SPATA18: variants seen among roughly 807,000 people sequenced by gnomAD.
SPATA18 encodes mitochondria-eating protein.
Under a neutral mutation model 68.1 loss-of-function variants are expected in SPATA18, and 54 were observed. The observed-to-expected ratio is 0.79, with a 90% confidence interval of 0.64 to 0.99. The LOEUF is 0.99. Among genes scored for constraint, SPATA18 ranks in the 50% least tolerant of loss-of-function variants. SPATA18 has a pLI of 0.00. For missense variants in SPATA18, 724 were observed against 681.1 expected, an observed-to-expected ratio of 1.06 and a Z score of -0.70; for synonymous variants, 242 against 244.8, an observed-to-expected ratio of 0.99 and a Z score of 0.11.
At chr4:52,091,616 A>G (rs1741964713) in intron 11 of SPATA18, among the ~76,000 whole-genome samples, 1 of 152,152 alleles carries the variant, frequency 6.6e-6, no homozygotes, top group Non-Finnish European at 1.5e-5. Flanking sequence ...CAGAGCAGCA[A>G]AGATTGCTGC....
In SPATA18 at chr4:52,097,208, A is replaced by AT. The variant is rs1338526208; in HGVS notation, c.*2325dup. On this transcript the variant is annotated 3_prime_UTR_variant, in exon 13 of 13. Transcript: ENST00000295213. Reference sequence around the variant, plus strand: ...AACCTGGGTAAATGTTAGTTTCTAGATTTTCGGCTTAACATCTAATAATAA... The same window carrying AT: ...AACCTGGGTAAATGTTAGTTTCTAGATTTTTCGGCTTAACATCTAATAATAA... The AT allele has an allele frequency of 2.6e-5, 4 of 152,168 alleles. No individual in the cohort carries two copies. The highest frequency in any genetic ancestry group is 2.6e-4 in the Admixed American group (4 of 15,272). 9.4% of individuals were successfully genotyped at this position (152,168 alleles called of 1,614,324 possible).
intron 11 of SPATA18, 97 bp from the exon 12 acceptor site, chr4:52,094,429 CT>C: frequency 9.0e-7 from 1 of 1,108,834 alleles, no homozygotes; most frequent in Non-Finnish European, 1.4e-6. Context: ...TCAGAGAAAG[CT>C]ATTTGGTTGG....
rs766217394 is a variant in SPATA18, at chr4:52,078,729, G to A, written c.1021-6G>A. On this transcript the variant is annotated splice_region_variant and splice_polypyrimidine_tract_variant and intron_variant, in intron 7 of 12. Coordinates refer to ENST00000295213, the MANE Select transcript of SPATA18 (RefSeq NM_145263.4). ...CCAAATAAATTTGCTGCATTTTTATGTGCAGGAGGCATTCCATGTAGCAAA... is the reference window on the plus strand; with the variant it reads ...CCAAATAAATTTGCTGCATTTTTATATGCAGGAGGCATTCCATGTAGCAAA... The A allele has an allele frequency of 2.6e-6, 4 of 1,560,876 alleles. No homozygotes were observed. Among genetic ancestry groups the A allele is most frequent in the Non-Finnish European group, 3.5e-6 (4 of 1,140,288 alleles).
chr4:52,074,922 AG>A (rs1422831013), intron 6 of SPATA18, among the ~76,000 whole-genome samples: 1 of 152,202 alleles, frequency 6.6e-6, no homozygotes, highest in African/African-American at 2.4e-5. Context: ...TCCATAGAAA[AG>A]GAAAAGACAG....
At chr4:52,091,246 T>C (rs1241108767) in intron 11 of SPATA18, among the ~76,000 whole-genome samples, 4 of 152,100 alleles carry the variant, frequency 2.6e-5, no homozygotes, top group African/African-American at 9.7e-5. Context: ...CTCCTTTAGC[T>C]TGGAGTTGTT....
In SPATA18 at chr4:52,077,010, C is replaced by A. The variant is rs375992709; in HGVS notation, c.990C>A (p.Thr330=). 7.5e-6 allele frequency: 12 copies of A among 1,609,778 alleles called. No individual in the cohort carries two copies. Among genetic ancestry groups the A allele is most frequent in the African/African-American group, 1.3e-5 (1 of 74,842 alleles). Residue 330 remains threonine, a synonymous_variant, in exon 7 of 13, where the codon ACC becomes ACA. Transcript: ENST00000295213. ...GGCGCTGCATCGACAAGGCTGAGAC[C>A]GTTCAGCGGATCATCTACATCGCCA... ...LLRRCIDKAE[T]VQRIIYIATV... is the part of the protein sequence containing the mutation.
Position 52,078,806 on chromosome 4 carries a change from T to G in SPATA18, c.1092T>G (p.Ser364=), listed in dbSNP as rs1180347684. The change falls in exon 8 of 13, where the codon TCT becomes TCG. Residue 364 remains serine, a synonymous_variant. Coordinates refer to ENST00000295213, the MANE Select transcript of SPATA18 (RefSeq NM_145263.4). The part of the protein sequence containing the change: ...KIHVRKSLTP[S]YVGSNDFENA... ...ATGTGAGAAAATCGTTGACACCATC[T>G]TATGTGGGGTCGAATGACTTTGAGA... 1.2e-6 allele frequency: 2 copies of G among 1,609,650 alleles called. No individual in the cohort carries two copies. Among genetic ancestry groups the G allele is most frequent in the East Asian group, 4.5e-5 (2 of 44,784 alleles).
At chr4:52,055,688 C>T (rs1279876508) in intron 1 of SPATA18, among the ~76,000 whole-genome samples, 3 of 152,092 alleles carry the variant, frequency 2.0e-5, no homozygotes, top group Non-Finnish European at 4.4e-5. Flanking sequence ...TGACCAGGCC[C>T]CACGCGAGAG....
intron 8 of SPATA18, 104 bp downstream of exon 8, chr4:52,078,997 T>C: frequency 8.2e-7 from 1 of 1,215,630 alleles, no homozygotes; most frequent in Non-Finnish European, 1.1e-6. Flanking sequence ...ATTAATTCTA[T>C]GTAATGAAAA....
rs1742361384 is a variant in SPATA18, at chr4:52,095,680, C to T, written c.*793C>T. On this transcript the variant is annotated 3_prime_UTR_variant, in exon 13 of 13. Transcript: ENST00000295213. ...GGGAATATTTCAAACTGTTTTAATG[C>T]ATGTGTTATATATAAAAGTTTCTTG... 6.6e-6 allele frequency: 1 copy of T among 152,144 alleles called. No individual in the cohort carries two copies. Among genetic ancestry groups the T allele is most frequent in the Admixed American group, 6.5e-5 (1 of 15,272 alleles). 9.4% of individuals were successfully genotyped at this position (152,144 alleles called of 1,614,324 possible).
intron 6 of SPATA18, among the ~76,000 whole-genome samples, chr4:52,073,299 C>T (rs923895745): frequency 5.9e-5 from 9 of 152,198 alleles, no homozygotes; most frequent in Non-Finnish European, 1.3e-4. Context: ...TACCTTTTGC[C>T]AGGTAGTTTC....
chr4:52,067,991 A>G (rs1231559218), intron 4 of SPATA18, among the ~76,000 whole-genome samples: 1 of 152,214 alleles, frequency 6.6e-6, no homozygotes, highest in African/African-American at 2.4e-5. Flanking sequence ...AATTGTTAGC[A>G]TATGGATGTA....
intron 11 of SPATA18, among the ~76,000 whole-genome samples, chr4:52,087,117 T>C (rs1741504689): frequency 6.6e-6 from 1 of 152,212 alleles, no homozygotes; most frequent in Admixed American, 6.5e-5. Context: ...TGGGGTTGTT[T>C]GTTTTTTTCT....
At chr4:52,069,996 A>C in intron 5 of SPATA18, 80 bp downstream of exon 5, 1 of 774,154 alleles carries the variant, frequency 1.3e-6, no homozygotes, top group Non-Finnish European at 1.9e-6. Flanking sequence ...ACATGAAAGA[A>C]TCTGTTCACT....
chr4:52,090,088 G>A (rs1263854415), intron 11 of SPATA18, among the ~76,000 whole-genome samples: 1 of 152,132 alleles, frequency 6.6e-6, no homozygotes, highest in Non-Finnish European at 1.5e-5. Flanking sequence ...TTTTATCAGA[G>A]ATTAGGATTG....
Position 52,078,746 on chromosome 4 carries a change from T to G in SPATA18, c.1032T>G (p.His344Gln). 7 of 1,579,860 alleles carry G rather than the reference T, an allele frequency of 4.4e-6. No individual in the cohort carries two copies. The highest frequency in any genetic ancestry group is 6.1e-6 in the Non-Finnish European group (7 of 1,153,290). ...ATTTTTATGTGCAGGAGGCATTCCA[T>G]GTAGCAAAAATGGCATTCAGACACT... Reference protein sequence around the residue: ...IIYIATVEAFHVAKMAFRHFK... With the variant: ...IIYIATVEAFQVAKMAFRHFK... The change falls in exon 8 of 13, where the codon CAT (histidine) becomes CAG (glutamine). Residue 344 changes from histidine (H) to glutamine (Q), a missense_variant. Coordinates refer to ENST00000295213, the MANE Select transcript of SPATA18 (RefSeq NM_145263.4).
rs527506160 is a variant in SPATA18 at position 52,057,181 on chromosome 4, C to CT, written c.88-3227dup. Among the ~76,000 whole-genome samples, 199 of 147,368 alleles carry CT rather than the reference C, an allele frequency of 1.4e-3. 1 individual carries two copies. The highest frequency in any genetic ancestry group is 4.8e-3 in the Admixed American group (71 of 14,694). ...TAATTAGTTCACTGACTGCAGGCAA[C>CT]TTTTTTTTTTTAATATAGCTTTGTT... is the stretch of plus-strand genomic sequence containing the variant. On this transcript the variant is annotated intron_variant, in intron 1 of 12. Transcript: ENST00000295213.
Position 52,051,684 on chromosome 4 carries a change from G to A in SPATA18, c.-21G>A. 1 of 1,613,310 alleles carries A rather than the reference G, an allele frequency of 6.2e-7. No homozygotes were observed. Among genetic ancestry groups the A allele is most frequent in the South Asian group, 1.1e-5 (1 of 91,062 alleles). ...CCCAAGTCTCCATCGCGCAGCGTGG[G>A]GCCGAGAGGAATAGTGAGCGATGGC... On this transcript the variant is annotated 5_prime_UTR_variant, in exon 1 of 13. Transcript: ENST00000295213.
intron 6 of SPATA18, among the ~76,000 whole-genome samples, chr4:52,074,933 G>A (rs1740203633): frequency 6.6e-6 from 1 of 152,178 alleles, no homozygotes; most frequent in Non-Finnish European, 1.5e-5. Flanking sequence ...GGAAAAGACA[G>A]GAGCCTGGAA....
Sources: gnomAD v4.1 joint callset for allele counts (sites outside exome capture counted in the v4.1 genomes callset) on GRCh38, gnomAD v4.1.1 for gene constraint, MANE v1.5 for transcripts, NCBI Gene and HGNC (gene_info 2026-07-23, HGNC 2026-07-21) for gene names.